RPAIN: variants seen among roughly 807,000 people sequenced by gnomAD.
RPAIN encodes the protein RPA-interacting protein.
A neutral mutation model predicts 30.5 loss-of-function variants in RPAIN; 29 were observed. That is an observed-to-expected ratio of 0.95 (90% confidence interval 0.71 to 1.30). RPAIN has a LOEUF of 1.30. RPAIN is among the 50% of genes most tolerant of loss of function. The pLI, the probability that RPAIN is intolerant of heterozygous loss-of-function variation, is 0.00. For missense variants in RPAIN, 247 were observed against 264.7 expected (o/e 0.93, Z 0.46); for synonymous variants, 101 against 93.5 (o/e 1.08, Z -0.46).
rs754166407 is a variant in RPAIN, at chr17:5,425,988, G to A, written c.331G>A (p.Glu111Lys). 9.9e-6 allele frequency: 16 copies of A among 1,613,580 alleles called. No homozygotes were observed. The highest frequency in any genetic ancestry group is 4.4e-5 in the South Asian group (4 of 90,890). The change falls in exon 4 of 7, where the codon GAG becomes AAG. Residue 111 changes from glutamate (E) to lysine (K), a missense_variant. By Grantham distance (56) the Glu-to-Lys change is moderately conservative. Transcript: ENST00000381209. Reference sequence around the variant, plus strand: ...CCTTGCAGAGCAGTCCATCATCAGCGAGTATGAGAAGAGCTTGCAGTTTGA... The same window carrying A: ...CCTTGCAGAGCAGTCCATCATCAGCAAGTATGAGAAGAGCTTGCAGTTTGA... ...LINQEQSIIS[E>K]YEKSLQFDEK... is the part of the protein sequence containing the mutation.
At chr17:5,432,509 A>G in intron 6 of RPAIN, 33 bp from the exon 7 acceptor site, 2 of 1,603,158 alleles carry the variant, frequency 1.2e-6, no homozygotes, top group Non-Finnish European at 1.7e-6. Context: ...CTAGAATACA[A>G]TTTAAGCTAA....
At chr17:5,423,796 A>G (rs936901050) in intron 3 of RPAIN, among the ~76,000 whole-genome samples, 2 of 152,028 alleles carry the variant, frequency 1.3e-5, no homozygotes, top group Admixed American at 6.6e-5. Flanking sequence ...GTCTCTGCCC[A>G]GGCTGGAATG....
rs766825520 is a variant in RPAIN at position 5,432,617 on chromosome 17, T to G, written c.*46T>G. ...ATTCTATGGGGTTGAAGACAACTCA[T>G]TCCCTCTGAGGAGCCTTGTACATAC... On this transcript the variant is annotated 3_prime_UTR_variant, in exon 7 of 7. Transcript: ENST00000381209. 41 of 1,569,650 alleles carry G rather than the reference T, an allele frequency of 2.6e-5. No individual in the cohort carries two copies. In the South Asian group the frequency reaches 4.0e-4, roughly 15 times the overall value.
chr17:5,428,486 T>C (rs1915617960), intron 6 of RPAIN: 3 of 1,413,286 alleles, frequency 2.1e-6, no homozygotes, highest in Non-Finnish European at 2.8e-6. Flanking sequence ...TCAGTAGTAG[T>C]GGTTTTGGAT....
At chr17:5,431,356 T>G (rs145936662) in intron 6 of RPAIN, 6 of 425,824 alleles carry the variant, frequency 1.4e-5, no homozygotes, top group East Asian at 1.4e-4. Flanking sequence ...GTGTGGTGGC[T>G]CGCACCTGTA....
chr17:5,431,358 G>C (rs11650692), intron 6 of RPAIN: 2 of 425,576 alleles, frequency 4.7e-6, no homozygotes, highest in Admixed American at 2.8e-5. Flanking sequence ...GTGGTGGCTC[G>C]CACCTGTACT....
chr17:5,430,683 ATTTT>A, intron 6 of RPAIN: 1 of 152,274 alleles, frequency 6.6e-6, no homozygotes, highest in South Asian at 2.1e-4. Flanking sequence ...GCCCATATTT[ATTTT>A]TATTTCCAGT....
chr17:5,420,410 A>G, intron 1 of RPAIN, 119 bp downstream of exon 1: 1 of 788,982 alleles, frequency 1.3e-6, no homozygotes, highest in Non-Finnish European at 2.0e-6. Context: ...GGTCTGGTCA[A>G]ACCCAGGCCT....
chr17:5,432,633 T>C lies in RPAIN; in HGVS notation c.*62T>C, dbSNP rs1916097091. The C allele has an allele frequency of 2.8e-6, 4 of 1,417,460 alleles. No individual in the cohort carries two copies. In the South Asian group the frequency reaches 4.7e-5, roughly 16 times the overall value. 87.8% of individuals were successfully genotyped at this position (1,417,460 alleles called of 1,614,324 possible). ...GACAACTCATTCCCTCTGAGGAGCCTTGTACATACAAGCCTTTTATTTATA... is the reference window on the plus strand; with the variant it reads ...GACAACTCATTCCCTCTGAGGAGCCCTGTACATACAAGCCTTTTATTTATA... On this transcript the variant is annotated 3_prime_UTR_variant, in exon 7 of 7. Transcript: ENST00000381209.
chr17:5,428,546 C>T, intron 6 of RPAIN: 1 of 1,281,178 alleles, frequency 7.8e-7, no homozygotes, highest in South Asian at 1.7e-5. Context: ...ATGCTGGCAC[C>T]ACTTTTGCGG....
intron 3 of RPAIN, among the ~76,000 whole-genome samples, chr17:5,424,904 G>A (rs914802466): frequency 2.6e-5 from 4 of 152,120 alleles, no homozygotes; most frequent in Admixed American, 2.0e-4. Flanking sequence ...CTGACCAAAT[G>A]TTTTATTTTG....
At position 5,432,854 on chromosome 17, in the gene RPAIN, GA is replaced by G; in HGVS notation, c.*284del. 1.0e-6 allele frequency: 1 copy of G among 953,680 alleles called. No homozygotes were observed. Among genetic ancestry groups the G allele is most frequent in the Non-Finnish European group, 1.5e-6 (1 of 673,970 alleles). The allele number at this position is 953,680 out of a possible 1,614,324, so 59.1% of individuals were successfully genotyped here. A position where few individuals can be genotyped will look rare whatever the true frequency, so the allele number is the denominator to read the frequency against. On this transcript the variant is annotated 3_prime_UTR_variant, in exon 7 of 7. Transcript: ENST00000381209. ...ATAATAGATTTGTACAGAAAAAAAT[GA>G]TAATAAATGAGAACACAAAACATAT...
chr17:5,429,811 C>T, intron 6 of RPAIN: 2 of 955,490 alleles, frequency 2.1e-6, no homozygotes, highest in Non-Finnish European at 1.2e-6. Flanking sequence ...ATCATTTGCA[C>T]AAATATTTAC....
chr17:5,431,358 G>A (rs11650692), intron 6 of RPAIN: 118,493 of 424,640 alleles, frequency 0.28, 19,690 homozygotes, highest in East Asian at 0.72. Context: ...GTGGTGGCTC[G>A]CACCTGTACT....
intron 6 of RPAIN, chr17:5,429,413 T>G: frequency 1.0e-6 from 1 of 985,410 alleles, no homozygotes; most frequent in Non-Finnish European, 1.2e-6. Context: ...ATTAGGTTCA[T>G]GAGGGAGAGG....
chr17:5,421,093 A>T (rs960288303), intron 1 of RPAIN, among the ~76,000 whole-genome samples: 3 of 152,244 alleles, frequency 2.0e-5, no homozygotes, highest in Non-Finnish European at 2.9e-5. Context: ...AATAAAAAAT[A>T]TGGTTCTTTG....
chr17:5,426,448 C>G lies in RPAIN; in HGVS notation c.489+149C>G, dbSNP rs1368670198. On this transcript the variant is annotated intron_variant, in intron 5 of 6. Transcript: ENST00000381209. The stretch of plus-strand genomic sequence containing the variant: ...GTCACATTGGTAGCTTCAAATCAGC[C>G]ATGGTGAGAATATCTATGGCATGAA... 1.1e-5 allele frequency: 8 copies of G among 734,922 alleles called. No individual in the cohort carries two copies. The East Asian group carries it at 2.1e-4, about 19-fold the overall frequency. The allele number at this position is 734,922 out of a possible 1,614,324, so 45.5% of individuals were successfully genotyped here. A position where few individuals can be genotyped will look rare whatever the true frequency, so the allele number is the denominator to read the frequency against.
intron 3 of RPAIN, 53 bp downstream of exon 3, chr17:5,422,882 T>A: frequency 2.2e-6 from 3 of 1,378,326 alleles, no homozygotes; most frequent in Non-Finnish European, 3.1e-6. Flanking sequence ...TGGAATACTG[T>A]GACCTTTCCT....
At chr17:5,420,603 T>TCG (rs1914667902) in intron 1 of RPAIN, among the ~76,000 whole-genome samples, 7 of 151,702 alleles carry the variant, frequency 4.6e-5, no homozygotes, top group Middle Eastern at 3.4e-3. Context: ...TACGTTCGTC[T>TCG]TGTGAGATAG....
Sources: allele counts gnomAD v4.1 joint callset (sites outside exome capture counted in the v4.1 genomes callset), GRCh38; gene constraint gnomAD v4.1.1; transcripts MANE v1.5; gene names NCBI Gene and HGNC (gene_info 2026-07-23, HGNC 2026-07-21).